Variants in ZNF577 observed in about 807,000 individuals in gnomAD.
ZNF577 encodes zinc finger protein 577.
In ZNF577, 14 loss-of-function variants were observed where a neutral mutation model predicts 13.9. The observed-to-expected ratio is 1.00, with a 90% CI of 0.66 to 1.57. The LOEUF (loss-of-function observed/expected upper bound fraction) is 1.57. ZNF577 is among the 40% of genes most tolerant of loss of function. The pLI is 0.00. For synonymous variants in ZNF577, 203 were observed against 202.9 expected (o/e 1.00, Z 0.00); for missense variants, 555 against 579.2 (o/e 0.96, Z 0.43).
intron 6 of ZNF577, among the ~76,000 whole-genome samples, chr19:51,843,482 A>G (rs977649129): frequency 6.6e-6 from 1 of 152,230 alleles, no homozygotes; most frequent in African/African-American, 2.4e-5. Context: ...ATTAAAAACT[A>G]TCTTTTCTTT....
intron 5 of ZNF577, among the ~76,000 whole-genome samples, chr19:51,849,191 G>A (rs2122560024): frequency 6.6e-6 from 1 of 152,314 alleles, no homozygotes; most frequent in East Asian, 1.9e-4. Flanking sequence ...AATGGAGAAA[G>A]GGTAAGTTTA....
At chr19:51,857,953 T>G (rs2084455430) in intron 5 of ZNF577, among the ~76,000 whole-genome samples, 1 of 152,098 alleles carries the variant, frequency 6.6e-6, no homozygotes, top group African/African-American at 2.4e-5. Context: ...AGTGCTGGGA[T>G]TACAGGTGCG....
chr19:51,874,380 C>T (rs1302261475), intron 5 of ZNF577, among the ~76,000 whole-genome samples: 2 of 151,566 alleles, frequency 1.3e-5, no homozygotes, highest in Non-Finnish European at 2.9e-5. Context: ...TGGCTCACAT[C>T]ATAGGGTAAG....
At chr19:51,860,422 A>C (rs1248662125) in intron 5 of ZNF577, 1 of 152,438 alleles carries the variant, frequency 6.6e-6, no homozygotes, top group African/African-American at 2.4e-5. Flanking sequence ...TGGCTCCATT[A>C]GGATTTTATA....
intron 9 of ZNF577, chr19:51,825,652 A>G (rs1377077649): frequency 6.0e-6 from 1 of 167,136 alleles, no homozygotes; most frequent in Admixed American, 6.5e-5. Flanking sequence ...CCCTAATCCC[A>G]GTCCTAACTT....
chr19:51,812,596 CACCTTTCCA>C (rs2084104961), intron 9 of ZNF577, among the ~76,000 whole-genome samples: 4 of 152,196 alleles, frequency 2.6e-5, no homozygotes, highest in African/African-American at 9.7e-5. Flanking sequence ...AAACACAATA[CACCTTTCCA>C]GGCTACCTAG....
At chr19:51,823,825 G>A (rs1199889444) in intron 9 of ZNF577, 2 of 1,613,982 alleles carry the variant, frequency 1.2e-6, no homozygotes, top group South Asian at 2.2e-5. Flanking sequence ...ACCGTTCTGT[G>A]GATCTTCTCA....
chr19:51,828,946 C>A (rs1040409513), intron 9 of ZNF577, among the ~76,000 whole-genome samples: 1 of 152,260 alleles, frequency 6.6e-6, no homozygotes, highest in Middle Eastern at 3.4e-3. Flanking sequence ...ACAGTAGTCA[C>A]TCTTTCTCTA....
chr19:51,809,531 T>A (rs555081627), intron 10 of ZNF577, among the ~76,000 whole-genome samples: 1 of 152,322 alleles, frequency 6.6e-6, no homozygotes, highest in African/African-American at 2.4e-5. Flanking sequence ...GAGAAGGGTG[T>A]GATTTGCAGG....
At chr19:51,808,458 TAATG>T (rs1336963716) in intron 10 of ZNF577, among the ~76,000 whole-genome samples, 1 of 152,220 alleles carries the variant, frequency 6.6e-6, no homozygotes, top group Non-Finnish European at 1.5e-5. Flanking sequence ...ATCATCCATA[TAATG>T]AATGATGTAA....
chr19:51,834,864 T>C (rs1209571144), intron 9 of ZNF577, among the ~76,000 whole-genome samples: 1 of 152,070 alleles, frequency 6.6e-6, no homozygotes, highest in Non-Finnish European at 1.5e-5. Flanking sequence ...TTAAATTTTT[T>C]TGTAGAGGTG....
At chr19:51,813,052 G>C (rs1188027245) in intron 9 of ZNF577, among the ~76,000 whole-genome samples, 1 of 151,708 alleles carries the variant, frequency 6.6e-6, no homozygotes, top group African/African-American at 2.4e-5. Flanking sequence ...CCTGGAGATG[G>C]AGGTTGCAAT....
intron 9 of ZNF577, among the ~76,000 whole-genome samples, chr19:51,815,567 T>TA (rs71180419): frequency 0.91 from 131,550 of 143,942 alleles, 60,042 homozygotes; most frequent in South Asian, 0.97. Context: ...AGACTCTGTC[T>TA]AAAAAAAAAA....
intron 9 of ZNF577, among the ~76,000 whole-genome samples, chr19:51,812,154 A>G (rs1463229727): frequency 2.0e-5 from 3 of 152,218 alleles, no homozygotes; most frequent in East Asian, 3.8e-4. Context: ...ATTAAAATTA[A>G]AGTAAATTGT....
At chr19:51,866,381 T>C (rs1198355177), downstream of ZNF577, among the ~76,000 whole-genome samples, 2 of 151,886 alleles carry the variant, frequency 1.3e-5, no homozygotes, top group Non-Finnish European at 2.9e-5. Context: ...TAAAAAAAAG[T>C]AAAATAAATA....
chr19:51,830,110 T>C (rs1162893323), intron 9 of ZNF577, among the ~76,000 whole-genome samples: 1 of 145,610 alleles, frequency 6.9e-6, no homozygotes, highest in Non-Finnish European at 1.5e-5. Context: ...GAAACCTGAC[T>C]GACATAGCAT....
chr19:51,816,835 T>C (rs547968755), intron 9 of ZNF577, among the ~76,000 whole-genome samples: 6 of 152,332 alleles, frequency 3.9e-5, no homozygotes, highest in Admixed American at 2.6e-4. Flanking sequence ...CTCCAGAGAA[T>C]TGGAGACTTG....
At chr19:51,885,249 C>T (rs114288926) in intron 1 of ZNF577, among the ~76,000 whole-genome samples, 2,263 of 152,270 alleles carry the variant, frequency 0.015, 54 homozygotes, top group African/African-American at 0.05. Context: ...TGTACAGCTA[C>T]TTTCATTCTA....
rs2084641103 is a variant in ZNF577, at chr19:51,870,432, G to A, written c.*2100C>T. On this transcript the variant is annotated 3_prime_UTR_variant, in exon 6 of 6. Coordinates refer to ENST00000638348, the MANE Select transcript of ZNF577 (RefSeq NM_001370449.1). ...CATGTATGCTTTGTGAGGAGAGTTC[G>A]AGGCAGCCTTTACTGTAGAGCAAAT... Among the ~76,000 whole-genome samples the A allele has an allele frequency of 6.6e-6, 1 of 152,070 alleles. No individual in the cohort carries two copies.
Sources: gnomAD v4.1 joint callset for allele counts (sites outside exome capture counted in the v4.1 genomes callset) on GRCh38, gnomAD v4.1.1 for gene constraint, MANE v1.5 for transcripts, NCBI Gene and HGNC (gene_info 2026-07-23, HGNC 2026-07-21) for gene names.